The following USP13 variants were observed in gnomAD, a reference collection of about 807,000 sequenced individuals.
USP13 encodes ubiquitin carboxyl-terminal hydrolase 13.
USP13 carries 68 observed loss-of-function variants against 107.8 expected under a neutral mutation model. The ratio of observed to expected loss-of-function variants is 0.63; its 90% CI spans 0.52 to 0.77. USP13 has a LOEUF of 0.77. Among genes scored for constraint, USP13 ranks in the 30% least tolerant of loss-of-function variants. The pLI is 0.00. For missense variants in USP13, 945 were observed against 1,093.3 expected (o/e 0.86, Z 1.91); for synonymous variants, 377 against 389.5 (o/e 0.97, Z 0.38).
intron 17 of USP13, among the ~76,000 whole-genome samples, chr3:179,761,637 G>A (rs1715017042): frequency 6.6e-6 from 1 of 152,206 alleles, no homozygotes; most frequent in African/African-American, 2.4e-5. Context: ...CAGGAGAATC[G>A]CTTGAACGCA....
chr3:179,764,183 C>CTGTGTGTG lies in USP13; in HGVS notation c.2259+40_2259+47dup, dbSNP rs3222346. Reference sequence around the variant, plus strand: ...TACGAGCAACGGTGAGCATGAGAGACTGTGTGTGTGTGTGTGTGTGTGTGT... The same window carrying CTGTGTGTG: ...TACGAGCAACGGTGAGCATGAGAGACTGTGTGTGTGTGTGTGTGTGTGTGTGTGTGTGT... On this transcript the variant is annotated intron_variant, in intron 18 of 20. Transcript: ENST00000263966. 5.5e-6 allele frequency: 8 copies of CTGTGTGTG among 1,448,020 alleles called. No individual in the cohort carries two copies. The highest frequency in any genetic ancestry group is 4.3e-5 in the African/African-American group (3 of 69,220). The allele number at this position is 1,448,020 out of a possible 1,614,324, so 89.7% of individuals were successfully genotyped here.
intron 13 of USP13, among the ~76,000 whole-genome samples, chr3:179,745,609 C>T (rs928817610): frequency 4.0e-5 from 6 of 151,730 alleles, no homozygotes; most frequent in Non-Finnish European, 8.8e-5. Context: ...AGGATACAGC[C>T]AAGAAACAAT....
rs1362125336 is a variant in USP13, at chr3:179,742,175, C to T, written c.1381-22C>T. The T allele has an allele frequency of 1.2e-6, 2 of 1,613,946 alleles. No individual in the cohort carries two copies. Among genetic ancestry groups the T allele is most frequent in the East Asian group, 2.2e-5 (1 of 44,898 alleles). On this transcript the variant is annotated intron_variant, in intron 11 of 20. Coordinates refer to ENST00000263966, the MANE Select transcript of USP13 (RefSeq NM_003940.3). The surrounding 1 kb of genome is among the most constrained non-coding windows in gnomAD (Gnocchi z 5.0). ...GGCTCAATATTCATACATTTACTAA[C>T]CTGATACAATCCATCCTTCAGAGGA... is the stretch of plus-strand genomic sequence containing the variant.
intron 10 of USP13, 121 bp from the exon 11 acceptor site, chr3:179,740,126 C>A: frequency 2.8e-6 from 4 of 1,418,884 alleles, no homozygotes; most frequent in Non-Finnish European, 3.9e-6. Context: ...TATTTACCTT[C>A]TTTGGGCTGT....
At position 179,678,289 on chromosome 3, in the gene USP13, A is replaced by G. The variant is rs531548940; in HGVS notation, c.169-3589A>G. Among the ~76,000 whole-genome samples the G allele has an allele frequency of 1.5e-4, 23 of 152,348 alleles. No individual in the cohort carries two copies. The highest frequency in any genetic ancestry group is 6.2e-4 in the South Asian group (3 of 4,824). Reference sequence around the variant, plus strand: ...GCAGTATGTTTTTCTTAGGAGGTCTATCTATCCAAAGAACATGTTTATTTA... The same window carrying G: ...GCAGTATGTTTTTCTTAGGAGGTCTGTCTATCCAAAGAACATGTTTATTTA... On this transcript the variant is annotated intron_variant, in intron 1 of 20. Transcript: ENST00000263966. The surrounding 1 kb of genome is among the most constrained non-coding windows in gnomAD (Gnocchi z 4.2).
intron 10 of USP13, among the ~76,000 whole-genome samples, chr3:179,731,263 T>C (rs1713795843): frequency 6.6e-6 from 1 of 152,014 alleles, no homozygotes; most frequent in African/African-American, 2.4e-5. Flanking sequence ...ATACAAAAAT[T>C]AGCTGGGCGT....
intron 6 of USP13, among the ~76,000 whole-genome samples, chr3:179,715,895 G>T (rs552768876): frequency 1.3e-5 from 2 of 152,158 alleles, no homozygotes; most frequent in Admixed American, 1.3e-4. Flanking sequence ...TGAGAGAAGG[G>T]CACCAAAGCT....
chr3:179,696,305 C>T (rs1023470960), intron 3 of USP13, among the ~76,000 whole-genome samples: 1 of 144,534 alleles, frequency 6.9e-6, no homozygotes, highest in Non-Finnish European at 1.5e-5. Flanking sequence ...GATCTAACTA[C>T]TAAATAAACA....
Position 179,774,432 on chromosome 3 carries a change from C to T in USP13, c.2414-7307C>T, listed in dbSNP as rs1244057001. 2.6e-5 allele frequency among the ~76,000 whole-genome samples: 4 copies of T among 152,204 alleles called. No individual in the cohort carries two copies. In the East Asian group the frequency reaches 7.7e-4, roughly 29 times the overall value. Reference sequence around the variant, plus strand: ...CGGACATGTTCAAAGTTTCTTTCTTCTGCTGGGTTCCTGGTCTCGCTGGCT... The same window carrying T: ...CGGACATGTTCAAAGTTTCTTTCTTTTGCTGGGTTCCTGGTCTCGCTGGCT... On this transcript the variant is annotated intron_variant, in intron 19 of 20. Coordinates refer to ENST00000263966, the MANE Select transcript of USP13 (RefSeq NM_003940.3).
chr3:179,763,827 C>T (rs12631170), intron 17 of USP13, among the ~76,000 whole-genome samples, 175 bp from the exon 18 acceptor site: 60,459 of 152,006 alleles, frequency 0.4, 13,733 homozygotes, highest in East Asian at 0.65. Context: ...CTCAGGCGAT[C>T]CACTCGCCTT....
In USP13 at chr3:179,701,144, A is replaced by T; in HGVS notation, c.477+15A>T. The T allele has an allele frequency of 7.2e-7, 1 of 1,387,066 alleles. No individual in the cohort carries two copies. Among genetic ancestry groups the T allele is most frequent in the Non-Finnish European group, 9.6e-7 (1 of 1,039,090 alleles). 85.9% of individuals were successfully genotyped at this position (1,387,066 alleles called of 1,614,324 possible). ...TACCAGCCCTGGTCAGTGAGTGTGCACGGCTGCTAGCTAGATGCGCATGGC... is the reference window on the plus strand; with the variant it reads ...TACCAGCCCTGGTCAGTGAGTGTGCTCGGCTGCTAGCTAGATGCGCATGGC... On this transcript the variant is annotated intron_variant, in intron 4 of 20. Coordinates refer to ENST00000263966, the MANE Select transcript of USP13 (RefSeq NM_003940.3).
At chr3:179,775,877 C>G (rs1187775911) in intron 19 of USP13, among the ~76,000 whole-genome samples, 2 of 152,226 alleles carry the variant, frequency 1.3e-5, no homozygotes, top group Non-Finnish European at 2.9e-5. Context: ...TCTCCCTCCA[C>G]ACCTTGCAAG....
intron 10 of USP13, among the ~76,000 whole-genome samples, chr3:179,735,392 G>A (rs1048001872): frequency 4.0e-5 from 6 of 151,130 alleles, no homozygotes; most frequent in Admixed American, 4.0e-4. Flanking sequence ...TTCTTTTAGG[G>A]AACTGCCTTG....
chr3:179,672,544 G>A (rs763619007), intron 1 of USP13, among the ~76,000 whole-genome samples: 1 of 151,132 alleles, frequency 6.6e-6, no homozygotes, highest in Non-Finnish European at 1.5e-5. Context: ...ACCACCATGC[G>A]CGGCTAATTT....
Position 179,690,277 on chromosome 3 carries a change from A to G in USP13, c.331A>G (p.Arg111Gly). The change falls in exon 3 of 21, where the codon AGG becomes GGG. Residue 111 changes from arginine (R) to glycine (G), a missense_variant. By Grantham distance (125) the Arg-to-Gly change is moderately radical. Transcript: ENST00000263966. Reference sequence around the variant, plus strand: ...GGCGTCTGGTGGAGCGTTACCAAAAAGGAGGAATTCCAAGATTTTTTTAGG... The same window carrying G: ...GGCGTCTGGTGGAGCGTTACCAAAAGGGAGGAATTCCAAGATTTTTTTAGG... ...RGASGGALPK[R>G]RNSKIFLDLD... 6.2e-7 allele frequency: 1 copy of G among 1,614,070 alleles called. No individual in the cohort carries two copies. Among genetic ancestry groups the G allele is most frequent in the Admixed American group, 1.7e-5 (1 of 60,002 alleles).
chr3:179,677,101 A>G (rs1165976857), intron 1 of USP13, among the ~76,000 whole-genome samples: 1 of 151,294 alleles, frequency 6.6e-6, no homozygotes, highest in Non-Finnish European at 1.5e-5. Context: ...CAAATGATCC[A>G]CCTGCCTCGG....
At chr3:179,700,923 A>G in intron 3 of USP13, 85 bp from the exon 4 acceptor site, 1 of 1,473,638 alleles carries the variant, frequency 6.8e-7, no homozygotes, top group Non-Finnish European at 9.1e-7. Flanking sequence ...ATCACCTTGG[A>G]TTTCTGGCTT....
chr3:179,753,686 A>G (rs1714687200), intron 14 of USP13, among the ~76,000 whole-genome samples: 1 of 152,100 alleles, frequency 6.6e-6, no homozygotes, highest in South Asian at 2.1e-4. Flanking sequence ...GCTTTTTTAA[A>G]CTAAGCTTTG....
At chr3:179,680,821 A>ACTTTCTTTCTTCTATC (rs1560046343) in intron 1 of USP13, among the ~76,000 whole-genome samples, 10 of 147,118 alleles carry the variant, frequency 6.8e-5, no homozygotes, top group Admixed American at 1.4e-4. Flanking sequence ...GATTACAGGC[A>ACTTTCTTTCTTCTATC]TGAGTCACCG....
Sources: gnomAD v4.1 joint callset for allele counts (sites outside exome capture counted in the v4.1 genomes callset) on GRCh38, gnomAD v4.1.1 for gene constraint, Gnocchi (gnomAD v3.1) non-coding constraint, MANE v1.5 for transcripts, NCBI Gene and HGNC (gene_info 2026-07-23, HGNC 2026-07-21) for gene names.